MED27: variants seen among roughly 807,000 people sequenced by gnomAD.
The protein encoded by MED27 is mediator complex subunit 27.
Under a neutral mutation model 38.2 loss-of-function variants are expected in MED27, and 30 were observed. That is an observed-to-expected ratio of 0.79 (90% CI 0.59 to 1.07). The LOEUF is 1.07. Among genes scored for constraint, MED27 ranks in the 50% least tolerant of loss-of-function variants. The probability of loss-of-function intolerance (pLI) is 0.00; values close to 1 mark genes in which losing one functional copy is unlikely to be tolerated. For synonymous variants in MED27, 122 were observed against 153.5 expected (o/e 0.79, Z 1.52); for missense variants, 289 against 397.5 (o/e 0.73, Z 2.32).
intron 2 of MED27, among the ~76,000 whole-genome samples, chr9:132,042,095 G>A (rs919312439): frequency 2.0e-5 from 3 of 152,180 alleles, no homozygotes; most frequent in African/African-American, 4.8e-5. Context: ...GAAAGAGCAC[G>A]GCACGGGAAG....
intron 3 of MED27, among the ~76,000 whole-genome samples, chr9:131,976,912 T>C (rs1831620498): frequency 1.3e-5 from 2 of 152,216 alleles, no homozygotes; most frequent in South Asian, 4.1e-4. Context: ...CCTTCCCCCT[T>C]TCTGCTCTCC....
chr9:131,970,282 C>A (rs73553090), intron 3 of MED27, among the ~76,000 whole-genome samples: 3,510 of 152,296 alleles, frequency 0.023, 116 homozygotes, highest in East Asian at 0.081. Context: ...GGCGGGACGC[C>A]CGGAGTGGAA....
intron 4 of MED27, among the ~76,000 whole-genome samples, chr9:131,910,527 A>T (rs1389548920): frequency 6.6e-6 from 1 of 150,482 alleles, no homozygotes; most frequent in Non-Finnish European, 1.5e-5. Flanking sequence ...TTACATTTGG[A>T]TTTTTTTTTT....
chr9:131,904,980 C>T (rs1224471174), intron 4 of MED27, among the ~76,000 whole-genome samples: 1 of 152,174 alleles, frequency 6.6e-6, no homozygotes, highest in Non-Finnish European at 1.5e-5. Context: ...AACACAAGTT[C>T]ACATAAAATG....
chr9:131,878,294 TAAATAAATAAATAAATA>T (rs1334237097), intron 6 of MED27, among the ~76,000 whole-genome samples: 1 of 150,702 alleles, frequency 6.6e-6, no homozygotes, highest in Non-Finnish European at 1.5e-5. Context: ...AATAAATAAA[TAAATAAATAAATAAATA>T]AAATAAAAAT....
rs569630448 is a variant in MED27, at chr9:131,900,689, A to T, written c.574-6697T>A. On this transcript the variant is annotated intron_variant, in intron 4 of 7. Coordinates refer to ENST00000292035, the MANE Select transcript of MED27 (RefSeq NM_004269.4). ...CAGAAAGCATGTGTGTGGGAGGTGAAGGGGGATAGTTCAGGGGTTTGTCAG... is the reference window on the plus strand; with the variant it reads ...CAGAAAGCATGTGTGTGGGAGGTGATGGGGGATAGTTCAGGGGTTTGTCAG... Among the ~76,000 whole-genome samples the T allele has an allele frequency of 8.5e-5, 13 of 152,214 alleles. No homozygotes were observed. The East Asian group carries it at 2.5e-3, about 29-fold the overall frequency.
intron 4 of MED27, among the ~76,000 whole-genome samples, chr9:131,900,233 A>C (rs937234173): frequency 6.6e-6 from 1 of 152,152 alleles, no homozygotes. Context: ...TAGCCCCCCC[A>C]TCAGGTCAGC....
At position 131,928,180 on chromosome 9, in the gene MED27, A is replaced by G. The variant is rs535796749; in HGVS notation, c.573+11201T>C. Among the ~76,000 whole-genome samples, 6 of 152,262 alleles carry G rather than the reference A, an allele frequency of 3.9e-5. No individual in the cohort carries two copies. In the South Asian group the frequency reaches 1.2e-3, roughly 32 times the overall value. On this transcript the variant is annotated intron_variant, in intron 4 of 7. Transcript: ENST00000292035. ...ACTGCAACATCAGGTTTCACAACTC[A>G]GGTGGCTCTTAGGAAAATGCCGTCT...
chr9:132,030,018 A>T (rs1279706750), intron 2 of MED27, among the ~76,000 whole-genome samples: 4 of 152,180 alleles, frequency 2.6e-5, no homozygotes, highest in Non-Finnish European at 5.9e-5. Context: ...AGAAAATGTG[A>T]GGATTTCCCA....
intron 3 of MED27, among the ~76,000 whole-genome samples, chr9:132,006,296 CCAAGGCTT>C (rs1832357159): frequency 6.6e-6 from 1 of 152,202 alleles, no homozygotes; most frequent in Non-Finnish European, 1.5e-5. Flanking sequence ...CTCTGCATTT[CCAAGGCTT>C]GTGGCAATGA....
chr9:132,069,338 C>G (rs978632716), intron 2 of MED27, among the ~76,000 whole-genome samples: 2 of 151,806 alleles, frequency 1.3e-5, no homozygotes, highest in African/African-American at 4.9e-5. Context: ...AGTCACAAAC[C>G]TGATTCCAGG....
At chr9:132,059,378 A>G (rs1336385038) in intron 2 of MED27, among the ~76,000 whole-genome samples, 1 of 152,200 alleles carries the variant, frequency 6.6e-6, no homozygotes, top group Non-Finnish European at 1.5e-5. Flanking sequence ...GTGCATAATG[A>G]TCCTCTCAGG....
intron 6 of MED27, among the ~76,000 whole-genome samples, chr9:131,873,812 G>T (rs1838877069): frequency 6.6e-6 from 1 of 152,184 alleles, no homozygotes; most frequent in Non-Finnish European, 1.5e-5. Context: ...CGAGCCTGTG[G>T]ATGTACTCAG....
chr9:131,927,237 T>A (rs1406717517), intron 4 of MED27, among the ~76,000 whole-genome samples: 3 of 152,182 alleles, frequency 2.0e-5, no homozygotes, highest in African/African-American at 4.8e-5. Flanking sequence ...CACCACAATG[T>A]ATTTAAAGAT....
At chr9:131,903,969 G>T (rs1322999693) in intron 4 of MED27, among the ~76,000 whole-genome samples, 1 of 151,396 alleles carries the variant, frequency 6.6e-6, no homozygotes, top group Non-Finnish European at 1.5e-5. Flanking sequence ...CGTGATCTCG[G>T]CTCACTGCAA....
chr9:131,881,301 C>T lies in MED27; in HGVS notation c.723+2757G>A, dbSNP rs552745661. The stretch of plus-strand genomic sequence containing the variant: ...TTGCATGCGAAACAAGTAAATACCT[C>T]TGGTATGGTGACTTAGGTAAGAACA... On this transcript the variant is annotated intron_variant, in intron 6 of 7. Transcript: ENST00000292035. Among the ~76,000 whole-genome samples, 110 of 152,266 alleles carry T rather than the reference C, an allele frequency of 7.2e-4. 1 individual carries two copies. The highest frequency in any genetic ancestry group is 7.2e-3 in the Admixed American group (110 of 15,298).
chr9:131,922,033 G>C (rs1356584290), intron 4 of MED27, among the ~76,000 whole-genome samples: 1 of 136,132 alleles, frequency 7.3e-6, no homozygotes, highest in African/African-American at 2.6e-5. Context: ...TGGGGAGGGG[G>C]GAGGGGGAGG....
chr9:131,990,197 A>C (rs1831941657), intron 3 of MED27, among the ~76,000 whole-genome samples: 1 of 152,160 alleles, frequency 6.6e-6, no homozygotes, highest in Non-Finnish European at 1.5e-5. Context: ...CTTGTCTGCG[A>C]AGGGTCAGGG....
chr9:132,017,345 T>C (rs1425560915), intron 2 of MED27, among the ~76,000 whole-genome samples: 1 of 152,148 alleles, frequency 6.6e-6, no homozygotes, highest in Non-Finnish European at 1.5e-5. Flanking sequence ...ATTAGAAACA[T>C]ATAACTCCCC....
Sources: gnomAD v4.1 joint callset for allele counts (sites outside exome capture counted in the v4.1 genomes callset) on GRCh38, gnomAD v4.1.1 for gene constraint, MANE v1.5 for transcripts, NCBI Gene and HGNC (gene_info 2026-07-23, HGNC 2026-07-21) for gene names.